The following PDE1A variants were observed in gnomAD, a reference collection of about 807,000 sequenced individuals.
PDE1A encodes dual specificity calcium/calmodulin-dependent 3',5'-cyclic nucleotide phosphodiesterase 1A.
Under a neutral mutation model 61.7 loss-of-function variants are expected in PDE1A, and 35 were observed. The observed-to-expected ratio is 0.57, with a 90% CI of 0.43 to 0.75. The LOEUF (loss-of-function observed/expected upper bound fraction) is 0.75. Among genes scored for constraint, PDE1A ranks in the 30% least tolerant of loss-of-function variants. PDE1A has a pLI of 0.00. For synonymous variants in PDE1A, 232 were observed against 213.2 expected (o/e 1.09, Z -0.77); for missense variants, 597 against 630.6 (o/e 0.95, Z 0.57).
chr2:182,574,481 T>C, the PDE1A span, among the ~76,000 whole-genome samples: 1 of 152,124 alleles, frequency 6.6e-6, no homozygotes, highest in Non-Finnish European at 1.5e-5. Flanking sequence ...ATAATACAAC[T>C]ACCCTTTGTA....
chr2:182,500,214 T>G (rs560841911), intron 2 of PDE1A, among the ~76,000 whole-genome samples: 3 of 152,136 alleles, frequency 2.0e-5, no homozygotes, highest in Non-Finnish European at 4.4e-5. Context: ...TAGGAACATA[T>G]TCATACTTTA....
intron 11 of PDE1A, 27 bp from the exon 12 acceptor site, chr2:182,186,615 A>T (rs937394479): frequency 1.9e-6 from 3 of 1,576,238 alleles, no homozygotes; most frequent in Non-Finnish European, 2.6e-6. Context: ...GAGAAGAGAG[A>T]GAGATAAATT....
chr2:182,515,114 T>C (rs1347607721), intron 2 of PDE1A, among the ~76,000 whole-genome samples: 1 of 152,196 alleles, frequency 6.6e-6, no homozygotes, highest in Non-Finnish European at 1.5e-5. Context: ...CCTAGCATCT[T>C]ATGAGGTAGG....
chr2:182,400,840 G>T (rs1033980841), intron 1 of PDE1A, among the ~76,000 whole-genome samples: 5 of 152,168 alleles, frequency 3.3e-5, no homozygotes, highest in Admixed American at 6.5e-5. Flanking sequence ...TCGTCACAGA[G>T]ATTTCTTTCA....
At chr2:182,232,393 T>C (rs1016767604) in intron 4 of PDE1A, among the ~76,000 whole-genome samples, 23 of 152,350 alleles carry the variant, frequency 1.5e-4, no homozygotes, top group African/African-American at 5.1e-4. Flanking sequence ...AATTTTCTAT[T>C]TGAGTAGGCA....
At position 182,469,797 on chromosome 2, in the gene PDE1A, A is replaced by G. The variant is rs923091353; in HGVS notation, c.101+52479T>C. 9.2e-5 allele frequency among the ~76,000 whole-genome samples: 14 copies of G among 151,888 alleles called. 1 individual carries two copies. Among genetic ancestry groups the G allele is most frequent in the African/African-American group, 3.1e-4 (13 of 41,410 alleles). ...AACATTTAGAGGCCTTAGAGGCCAT[A>G]GAGGTCATTGAAAGGTTACTAATTG... On this transcript the variant is annotated intron_variant, in intron 2 of 14. Coordinates refer to the PDE1A transcript ENST00000410103.
chr2:182,190,050 C>T (rs1173936700), intron 10 of PDE1A, among the ~76,000 whole-genome samples: 1 of 152,212 alleles, frequency 6.6e-6, no homozygotes, highest in Non-Finnish European at 1.5e-5. Context: ...TTTCCATTAA[C>T]ATCTTTCTAT....
chr2:182,426,761 T>C, exon 1 of PDE1A: 1 of 1,500,746 alleles, frequency 6.7e-7, no homozygotes, highest in Non-Finnish European at 8.9e-7. Flanking sequence ...TTTCTCTTTT[T>C]GGGTGCTGGG....
At chr2:182,350,918 T>C (rs146858721) in intron 1 of PDE1A, among the ~76,000 whole-genome samples, 1,905 of 152,322 alleles carry the variant, frequency 0.013, 24 homozygotes, top group South Asian at 0.048. Context: ...CTCCCTGATT[T>C]TCTTTATCTC....
chr2:182,479,090 T>C (rs1687548593), intron 2 of PDE1A, among the ~76,000 whole-genome samples: 3 of 151,934 alleles, frequency 2.0e-5, no homozygotes, highest in Admixed American at 6.6e-5. Flanking sequence ...ATAAAAGCCT[T>C]ACATATCTCA....
the PDE1A span, among the ~76,000 whole-genome samples, chr2:182,600,529 A>C: frequency 6.6e-6 from 1 of 152,236 alleles, no homozygotes; most frequent in Admixed American, 6.5e-5. Flanking sequence ...GTTTACAAAA[A>C]TCAGGTCTTT....
chr2:182,612,393 A>G, the PDE1A span, among the ~76,000 whole-genome samples: 1 of 152,222 alleles, frequency 6.6e-6, no homozygotes, highest in African/African-American at 2.4e-5. Context: ...TAATTCTCAT[A>G]TATCCAGCAT....
chr2:182,542,060 A>C, the PDE1A span, among the ~76,000 whole-genome samples: 2 of 152,184 alleles, frequency 1.3e-5, no homozygotes, highest in African/African-American at 4.8e-5. Flanking sequence ...ACATTTGCTG[A>C]AAATATCTCA....
intron 1 of PDE1A, among the ~76,000 whole-genome samples, chr2:182,358,271 C>T (rs1699308304): frequency 1.3e-5 from 2 of 152,086 alleles, no homozygotes. Context: ...TCTACTCAGC[C>T]ACTCTCCCTC....
At chr2:182,313,071 G>A (rs891076828) in intron 1 of PDE1A, among the ~76,000 whole-genome samples, 2 of 152,130 alleles carry the variant, frequency 1.3e-5, no homozygotes, top group Non-Finnish European at 2.9e-5. Context: ...GTAAATATTA[G>A]ATATCCTATT....
chr2:182,606,293 C>G, the PDE1A span, among the ~76,000 whole-genome samples: 1 of 152,208 alleles, frequency 6.6e-6, no homozygotes, highest in East Asian at 1.9e-4. Context: ...ACTCTCCTGC[C>G]TCAACCTCCT....
At chr2:182,588,162 T>C in the PDE1A span, among the ~76,000 whole-genome samples, 1 of 152,216 alleles carries the variant, frequency 6.6e-6, no homozygotes, top group Admixed American at 6.5e-5. Flanking sequence ...GTAAGTAAGT[T>C]TGAATTCATT....
At chr2:182,355,251 G>A (rs1382862786) in intron 1 of PDE1A, among the ~76,000 whole-genome samples, 2 of 151,876 alleles carry the variant, frequency 1.3e-5, no homozygotes, top group African/African-American at 2.4e-5. Context: ...TTACCATTAA[G>A]ACTTAGCAAC....
chr2:182,297,742 A>C (rs1025070707), intron 1 of PDE1A, among the ~76,000 whole-genome samples: 5 of 152,082 alleles, frequency 3.3e-5, no homozygotes, highest in African/African-American at 1.2e-4. Context: ...AACAGAGCCC[A>C]CTCTGCCTAT....
Sources: gnomAD v4.1 joint callset for allele counts (sites outside exome capture counted in the v4.1 genomes callset) on GRCh38, gnomAD v4.1.1 for gene constraint, MANE v1.5 for transcripts, NCBI Gene and HGNC (gene_info 2026-07-23, HGNC 2026-07-21) for gene names.